Variants in STK10 observed in about 807,000 individuals in gnomAD.
STK10 encodes the protein serine/threonine-protein kinase 10.
A neutral mutation model predicts 113.8 loss-of-function variants in STK10; 78 were observed. That is an observed-to-expected ratio of 0.69 (90% CI 0.57 to 0.83). The LOEUF is 0.83. Ranked by LOEUF, STK10 falls within the 40% of genes least tolerant of loss-of-function variation. STK10 has a pLI of 0.00. For missense variants in STK10, 1,109 were observed against 1,280.1 expected, an observed-to-expected ratio of 0.87 and a Z score of 2.04; for synonymous variants, 465 against 494.7, an observed-to-expected ratio of 0.94 and a Z score of 0.80.
intron 17 of STK10, 113 bp downstream of exon 17, chr5:172,054,456 C>A: frequency 1.4e-6 from 2 of 1,465,484 alleles, no homozygotes; most frequent in Non-Finnish European, 1.8e-6. Context: ...CCATCCCGGG[C>A]GTGTCTGATG....
intron 1 of STK10, among the ~76,000 whole-genome samples, chr5:172,157,848 C>T (rs1434008152): frequency 1.3e-5 from 2 of 152,086 alleles, no homozygotes; most frequent in African/African-American, 4.8e-5. Context: ...ATCTCGGCCT[C>T]CCAAAGTGTT....
At chr5:172,150,935 A>G (rs968193041) in intron 2 of STK10, among the ~76,000 whole-genome samples, 1 of 152,162 alleles carries the variant, frequency 6.6e-6, no homozygotes, top group Admixed American at 6.5e-5. Context: ...GCCACCCCAA[A>G]GGGACTTTGG....
intron 1 of STK10, among the ~76,000 whole-genome samples, chr5:172,161,109 G>A (rs571691329): frequency 6.6e-6 from 1 of 152,268 alleles, no homozygotes; most frequent in Admixed American, 6.5e-5. Context: ...ATGATGGGGT[G>A]TGGGAGAGGG....
At chr5:172,097,774 C>G (rs995617476) in intron 7 of STK10, among the ~76,000 whole-genome samples, 2 of 152,134 alleles carry the variant, frequency 1.3e-5, no homozygotes, top group Admixed American at 1.3e-4. Context: ...AAAGGAAATA[C>G]AAGATCTTGA....
chr5:172,164,673 G>A (rs1317021831), intron 1 of STK10, among the ~76,000 whole-genome samples: 1 of 152,174 alleles, frequency 6.6e-6, no homozygotes, highest in African/African-American at 2.4e-5. Flanking sequence ...ATGGTGAAAT[G>A]ATGTCCAACT....
intron 5 of STK10, chr5:172,107,032 T>C (rs931422074): frequency 1.2e-5 from 3 of 250,732 alleles, no homozygotes; most frequent in Admixed American, 5.3e-5. Context: ...GCAGTTCCGA[T>C]GCCTACCGCG....
At position 172,054,483 on chromosome 5, in the gene STK10, G is replaced by A. The variant is rs576056386; in HGVS notation, c.2652+86C>T. Reference sequence around the variant, plus strand: ...TGTCTGATGAAGATCCTTCCCTGCTGTGGAGTTTCTGGCCCCCTGAGATCT... The same window carrying A: ...TGTCTGATGAAGATCCTTCCCTGCTATGGAGTTTCTGGCCCCCTGAGATCT... On this transcript the variant is annotated intron_variant, in intron 17 of 18. Transcript: ENST00000176763. 4.5e-6 allele frequency: 7 copies of A among 1,548,386 alleles called. No homozygotes were observed. In the African/African-American group the frequency reaches 9.5e-5, roughly 21 times the overall value.
At chr5:172,107,697 C>T (rs1169483769) in intron 5 of STK10, 83 bp downstream of exon 5, 3 of 1,413,678 alleles carry the variant, frequency 2.1e-6, no homozygotes, top group Non-Finnish European at 2.0e-6. Flanking sequence ...TCTTCCGGCC[C>T]CTCTCTGTCT....
intron 12 of STK10, among the ~76,000 whole-genome samples, chr5:172,071,163 T>C (rs1768170021): frequency 7.6e-6 from 1 of 131,440 alleles, no homozygotes; most frequent in Non-Finnish European, 1.5e-5. Flanking sequence ...GAGCTGAGAT[T>C]GCACCACTGC....
chr5:172,174,994 G>GT lies in STK10; in HGVS notation c.156+12892dup, dbSNP rs1297407922. 4.6e-5 allele frequency among the ~76,000 whole-genome samples: 7 copies of GT among 152,308 alleles called. No individual in the cohort carries two copies. The South Asian group carries it at 1.5e-3, about 32-fold the overall frequency. ...TCTAATTCTGGCTCTGGTATAGCCT[G>GT]TTTTTTCTTGTTATTGTTGTTTTCA... On this transcript the variant is annotated intron_variant, in intron 1 of 18. Coordinates refer to ENST00000176763, the MANE Select transcript of STK10 (RefSeq NM_005990.4).
Position 172,045,260 on chromosome 5 carries a change from G to A in STK10, c.2767-238C>T, listed in dbSNP as rs1389337232. ...TGTGGACTGAAGGGTACAGTTGGGGGAAATGTCAATCTAGACGGGGCAGGG... is the reference window on the plus strand; with the variant it reads ...TGTGGACTGAAGGGTACAGTTGGGGAAAATGTCAATCTAGACGGGGCAGGG... On this transcript the variant is annotated intron_variant, in intron 18 of 18. Coordinates refer to ENST00000176763, the MANE Select transcript of STK10 (RefSeq NM_005990.4). Among the ~76,000 whole-genome samples, 4 of 152,082 alleles carry A rather than the reference G, an allele frequency of 2.6e-5. No homozygotes were observed. In the South Asian group the frequency reaches 6.2e-4, roughly 24 times the overall value.
intron 1 of STK10, among the ~76,000 whole-genome samples, chr5:172,183,609 C>T (rs1202273802): frequency 1.3e-5 from 2 of 151,998 alleles, no homozygotes; most frequent in African/African-American, 2.4e-5. Flanking sequence ...GCATGCGCCA[C>T]CACGCCCAGC....
At chr5:172,056,236 T>C (rs1427118796) in intron 15 of STK10, among the ~76,000 whole-genome samples, 1 of 152,222 alleles carries the variant, frequency 6.6e-6, no homozygotes, top group Non-Finnish European at 1.5e-5. Context: ...TGGGTAGCCT[T>C]ATTCTGAACT....
At chr5:172,079,523 C>T (rs955066121) in intron 12 of STK10, among the ~76,000 whole-genome samples, 1 of 151,762 alleles carries the variant, frequency 6.6e-6, no homozygotes, top group African/African-American at 2.4e-5. Flanking sequence ...TTAACAGATC[C>T]GGAAATTAAT....
intron 3 of STK10, among the ~76,000 whole-genome samples, chr5:172,123,548 A>G (rs372967208): frequency 1.3e-5 from 2 of 152,114 alleles, no homozygotes; most frequent in South Asian, 2.1e-4. Flanking sequence ...GCTGCATACC[A>G]GGGGACACAG....
intron 2 of STK10, among the ~76,000 whole-genome samples, chr5:172,148,202 C>T (rs111628945): frequency 1.3e-3 from 193 of 152,160 alleles, no homozygotes; most frequent in African/African-American, 4.3e-3. Context: ...CTCAGAGGCA[C>T]GAAGAGGCGT....
In STK10 at chr5:172,093,968, A is replaced by AT. The variant is rs766357400; in HGVS notation, c.1006-9_1006-8insA. ...AGTATGGTTCTCCAGGGTCTAGAAA[A>AT]ATATATATATATATATTAAAGGCCA... On this transcript the variant is annotated splice_polypyrimidine_tract_variant and intron_variant, in intron 8 of 18. Coordinates refer to ENST00000176763, the MANE Select transcript of STK10 (RefSeq NM_005990.4). The surrounding 1 kb of genome is among the most constrained non-coding windows in gnomAD (Gnocchi z 4.1). 2.8e-5 allele frequency: 40 copies of AT among 1,410,698 alleles called. 1 individual carries two copies. The highest frequency in any genetic ancestry group is 2.4e-4 in the South Asian group (14 of 59,318). 87.4% of individuals were successfully genotyped at this position (1,410,698 alleles called of 1,614,324 possible).
intron 14 of STK10, 121 bp downstream of exon 14, chr5:172,061,018 G>C: frequency 7.1e-7 from 1 of 1,406,146 alleles, no homozygotes; most frequent in Non-Finnish European, 9.4e-7. Flanking sequence ...CATGAAGAAT[G>C]ATGTTTAGTT....
chr5:172,141,802 C>T (rs553323047), intron 2 of STK10, among the ~76,000 whole-genome samples: 1 of 152,190 alleles, frequency 6.6e-6, no homozygotes, highest in South Asian at 2.1e-4. Flanking sequence ...AGCCTGTAAT[C>T]GCCGGCTTTC....
Sources: gnomAD v4.1 joint callset for allele counts (sites outside exome capture counted in the v4.1 genomes callset) on GRCh38, gnomAD v4.1.1 for gene constraint, Gnocchi (gnomAD v3.1) non-coding constraint, MANE v1.5 for transcripts, NCBI Gene and HGNC (gene_info 2026-07-23, HGNC 2026-07-21) for gene names.